Variants in ANKRD6 observed in about 807,000 individuals in gnomAD.
The protein encoded by ANKRD6 is ankyrin repeat domain-containing protein 6.
ANKRD6 carries 56 observed loss-of-function variants against 82.3 expected under a neutral mutation model. The ratio of observed to expected loss-of-function variants is 0.68; its 90% CI spans 0.55 to 0.85. The LOEUF (loss-of-function observed/expected upper bound fraction) is 0.85. ANKRD6 is among the 40% of genes least tolerant of loss of function. ANKRD6 has a pLI of 0.00. For synonymous variants in ANKRD6, 347 were observed against 352.1 expected, an observed-to-expected ratio of 0.99 and a Z score of 0.16; for missense variants, 852 against 907.6, an observed-to-expected ratio of 0.94 and a Z score of 0.79.
chr6:89,580,657 C>T (rs930503845), intron 2 of ANKRD6, among the ~76,000 whole-genome samples: 3 of 151,764 alleles, frequency 2.0e-5, no homozygotes, highest in East Asian at 1.9e-4. Flanking sequence ...CTCACTTCCA[C>T]GAGGGATTTG....
chr6:89,541,074 T>G (rs1784394126), intron 1 of ANKRD6, among the ~76,000 whole-genome samples: 1 of 152,176 alleles, frequency 6.6e-6, no homozygotes, highest in Admixed American at 6.5e-5. Context: ...CCTCCAGTTT[T>G]CTTCTTTTTG....
At chr6:89,497,018 T>C (rs1778707977) in intron 1 of ANKRD6, among the ~76,000 whole-genome samples, 1 of 152,198 alleles carries the variant, frequency 6.6e-6, no homozygotes, top group Non-Finnish European at 1.5e-5. Flanking sequence ...GTTTATAGCT[T>C]CTTCTTTTCT....
chr6:89,477,625 G>A lies in ANKRD6; in HGVS notation c.-144+44250G>A, dbSNP rs189476554. ...TCTGTACTAAAAATACAAAAAATTA[G>A]CCAGGCGTGGTGGCGGGTGCCTGTA... On this transcript the variant is annotated intron_variant, in intron 1 of 15. Transcript: ENST00000339746. Among the ~76,000 whole-genome samples, 556 of 151,970 alleles carry A rather than the reference G, an allele frequency of 3.7e-3. 3 individuals are homozygous for A. Among genetic ancestry groups the A allele is most frequent in the African/African-American group, 0.013 (525 of 41,468 alleles).
At chr6:89,523,169 G>A (rs770093237) in intron 1 of ANKRD6, among the ~76,000 whole-genome samples, 15 of 152,208 alleles carry the variant, frequency 9.9e-5, no homozygotes, top group Non-Finnish European at 1.8e-4. Context: ...AGAAAAGGGT[G>A]TTTAAGGAGC....
At chr6:89,592,017 T>A (rs1330806083) in intron 2 of ANKRD6, among the ~76,000 whole-genome samples, 2 of 152,098 alleles carry the variant, frequency 1.3e-5, no homozygotes, top group Admixed American at 1.3e-4. Flanking sequence ...ATCAGGGAAG[T>A]CATAGTTTGG....
chr6:89,608,787 C>T lies in ANKRD6; in HGVS notation c.417+2682C>T, dbSNP rs2128205491. ...TCACACCTGTTCCTCTTTCCATGCT[C>T]ATTCTTAAGCATGCCCTGGATTATT... On this transcript the variant is annotated intron_variant, in intron 5 of 15. Transcript: ENST00000339746. Among the ~76,000 whole-genome samples, 3 of 152,338 alleles carry T rather than the reference C, an allele frequency of 2.0e-5. No homozygotes were observed. The East Asian group carries it at 5.8e-4, about 29-fold the overall frequency.
chr6:89,629,094 TTTG>T lies in ANKRD6; in HGVS notation c.1486-15_1486-13del, dbSNP rs770839603. ...TTCTTCTATGTACTTATTTGTGGGG[TTTG>T]TTTTTTTTTTTAAGATATCCTTGGT... On this transcript the variant is annotated splice_polypyrimidine_tract_variant and intron_variant, in intron 14 of 15. Coordinates refer to ENST00000339746, the MANE Select transcript of ANKRD6 (RefSeq NM_001242809.2). The T allele has an allele frequency of 1.1e-5, 18 of 1,598,468 alleles. No homozygotes were observed. The highest frequency in any genetic ancestry group is 2.2e-5 in the South Asian group (2 of 89,202).
chr6:89,448,723 A>G (rs1484239885), intron 1 of ANKRD6, among the ~76,000 whole-genome samples: 3 of 152,104 alleles, frequency 2.0e-5, no homozygotes, highest in African/African-American at 7.2e-5. Context: ...GTTAATTTCT[A>G]TTTTCAAGTC....
chr6:89,600,199 G>A (rs1028051502), intron 3 of ANKRD6, among the ~76,000 whole-genome samples: 3 of 152,162 alleles, frequency 2.0e-5, no homozygotes, highest in African/African-American at 7.2e-5. Flanking sequence ...TTTCTCAAAG[G>A]AAGCAAATAC....
At chr6:89,583,015 G>A (rs563579139) in intron 2 of ANKRD6, among the ~76,000 whole-genome samples, 1 of 152,194 alleles carries the variant, frequency 6.6e-6, no homozygotes, top group Non-Finnish European at 1.5e-5. Context: ...TTGACTGCAC[G>A]TGTAACCACC....
intron 1 of ANKRD6, among the ~76,000 whole-genome samples, chr6:89,564,628 T>C (rs1240816192): frequency 1.3e-5 from 2 of 152,112 alleles, no homozygotes; most frequent in Non-Finnish European, 2.9e-5. Flanking sequence ...ACAGCACTGC[T>C]GGTGTGGAGC....
intron 2 of ANKRD6, among the ~76,000 whole-genome samples, chr6:89,589,991 C>T (rs1388199552): frequency 1.3e-5 from 2 of 152,134 alleles, no homozygotes; most frequent in African/African-American, 2.4e-5. Flanking sequence ...GGAAGCAGCA[C>T]CTTTAAAGGG....
At chr6:89,582,384 T>C (rs1437895801) in intron 2 of ANKRD6, among the ~76,000 whole-genome samples, 1 of 150,922 alleles carries the variant, frequency 6.6e-6, no homozygotes, top group Non-Finnish European at 1.5e-5. Flanking sequence ...GGAGACGGGG[T>C]CTTGCCATGC....
chr6:89,442,636 CAAAAAAAAAA>C (rs59245345), intron 1 of ANKRD6, among the ~76,000 whole-genome samples: 1 of 97,492 alleles, frequency 1.0e-5, no homozygotes, highest in African/African-American at 3.9e-5. Context: ...AACCCTGTCT[CAAAAAAAAAA>C]AAAAAAAAAA....
At chr6:89,534,180 G>A (rs1029739477) in intron 1 of ANKRD6, among the ~76,000 whole-genome samples, 6 of 152,172 alleles carry the variant, frequency 3.9e-5, no homozygotes, top group African/African-American at 1.4e-4. Flanking sequence ...TAGACAATTT[G>A]ATGGCTGACT....
rs79217754 is a variant in ANKRD6 at position 89,591,007 on chromosome 6, C to G, written c.121-4909C>G. ...GCCCAATTATTGGTCTCGCTGGGCT[C>G]ACCAGGGCCTAGGTTGAGTTAAGCT... On this transcript the variant is annotated intron_variant, in intron 2 of 15. Coordinates refer to ENST00000339746, the MANE Select transcript of ANKRD6 (RefSeq NM_001242809.2). Among the ~76,000 whole-genome samples, 731 of 152,270 alleles carry G rather than the reference C, an allele frequency of 4.8e-3. 15 individuals carry two copies. Among genetic ancestry groups the G allele is most frequent in the East Asian group, 0.035 (181 of 5,180 alleles).
intron 1 of ANKRD6, among the ~76,000 whole-genome samples, chr6:89,516,232 G>A (rs1328345024): frequency 6.6e-6 from 1 of 152,180 alleles, no homozygotes; most frequent in Non-Finnish European, 1.5e-5. Flanking sequence ...TGTGGATGGG[G>A]ATCATTCAAC....
chr6:89,513,551 T>G lies in ANKRD6; in HGVS notation c.-143-53283T>G, dbSNP rs542490779. Reference sequence around the variant, plus strand: ...CCACATGGTTATAAATAGTAATAGTTTATTGATTTACATTCTTATGTAGTA... The same window carrying G: ...CCACATGGTTATAAATAGTAATAGTGTATTGATTTACATTCTTATGTAGTA... On this transcript the variant is annotated intron_variant, in intron 1 of 15. Transcript: ENST00000339746. 7.2e-5 allele frequency among the ~76,000 whole-genome samples: 11 copies of G among 152,368 alleles called. No homozygotes were observed. The South Asian group carries it at 2.3e-3, about 32-fold the overall frequency.
chr6:89,467,280 G>A (rs185036651), intron 1 of ANKRD6, among the ~76,000 whole-genome samples: 4 of 152,112 alleles, frequency 2.6e-5, no homozygotes, highest in African/African-American at 9.6e-5. Flanking sequence ...ACAAATCAGT[G>A]GATATTTATA....
Sources: allele counts gnomAD v4.1 joint callset (sites outside exome capture counted in the v4.1 genomes callset), GRCh38; gene constraint gnomAD v4.1.1; transcripts MANE v1.5; gene names NCBI Gene and HGNC (gene_info 2026-07-23, HGNC 2026-07-21).